Variants in RBFOX3 observed in about 807,000 individuals in gnomAD.
RBFOX3 encodes the protein RNA binding protein fox-1 homolog 3.
RBFOX3 carries 17 observed loss-of-function variants against 48.7 expected under a neutral mutation model. That is an observed-to-expected ratio of 0.35 (90% CI 0.24 to 0.52). The LOEUF (loss-of-function observed/expected upper bound fraction) is 0.52. Ranked by LOEUF, RBFOX3 falls within the 20% of genes least tolerant of loss-of-function variation. The pLI is 0.94. For synonymous variants in RBFOX3, 212 were observed against 209.5 expected, an observed-to-expected ratio of 1.01 and a Z score of -0.10; for missense variants, 382 against 497.5, an observed-to-expected ratio of 0.77 and a Z score of 2.21.
chr17:79,439,982 G>T (rs1555733778), intron 2 of RBFOX3, among the ~76,000 whole-genome samples: 1 of 152,220 alleles, frequency 6.6e-6, no homozygotes, highest in Non-Finnish European at 1.5e-5. Flanking sequence ...CGCAGGAATG[G>T]CATCAAGCGG....
intron 1 of RBFOX3, among the ~76,000 whole-genome samples, chr17:79,589,563 C>T (rs2093357163): frequency 6.6e-6 from 1 of 152,168 alleles, no homozygotes; most frequent in Non-Finnish European, 1.5e-5. Flanking sequence ...TGATTCAGCC[C>T]GAATGGGTAG....
intron 2 of RBFOX3, among the ~76,000 whole-genome samples, chr17:79,372,795 T>A (rs1389028047): frequency 1.3e-5 from 2 of 152,116 alleles, no homozygotes; most frequent in Non-Finnish European, 2.9e-5. Context: ...GGAACCAGCA[T>A]AGAGGTAGAG....
intron 3 of RBFOX3, among the ~76,000 whole-genome samples, chr17:79,286,265 C>T (rs1406352183): frequency 6.6e-6 from 1 of 152,124 alleles, no homozygotes; most frequent in Non-Finnish European, 1.5e-5. Context: ...GACTTTCTGC[C>T]CCTTAGAGAG....
At chr17:79,365,240 T>C (rs1263894621) in intron 2 of RBFOX3, among the ~76,000 whole-genome samples, 3 of 152,176 alleles carry the variant, frequency 2.0e-5, no homozygotes, top group African/African-American at 7.2e-5. Context: ...CTTGTTCCAG[T>C]TTCATCCTCC....
At chr17:79,635,858 T>C in the RBFOX3 span, among the ~76,000 whole-genome samples, 1 of 152,176 alleles carries the variant, frequency 6.6e-6, no homozygotes, top group Non-Finnish European at 1.5e-5. Flanking sequence ...ATTCAACTAA[T>C]AGCAAGTTAC....
chr17:79,284,736 C>T (rs541060050), intron 3 of RBFOX3, among the ~76,000 whole-genome samples: 1 of 152,196 alleles, frequency 6.6e-6, no homozygotes, highest in East Asian at 1.9e-4. Context: ...GACGAGATTT[C>T]ACTATGTTGT....
At chr17:79,164,920 G>A (rs1357652502) in intron 4 of RBFOX3, among the ~76,000 whole-genome samples, 3 of 152,200 alleles carry the variant, frequency 2.0e-5, no homozygotes, top group East Asian at 1.9e-4. Context: ...GGGACCCAGC[G>A]TTTCACTCAT....
chr17:79,280,841 T>TGGGGGG (rs34734841), intron 3 of RBFOX3, among the ~76,000 whole-genome samples: 67 of 99,962 alleles, frequency 6.7e-4, no homozygotes, highest in South Asian at 1.5e-3. Context: ...TGTCCCATTG[T>TGGGGGG]GGGGGGGGGG....
At chr17:79,577,286 G>A (rs1169406540) in intron 1 of RBFOX3, among the ~76,000 whole-genome samples, 1 of 152,194 alleles carries the variant, frequency 6.6e-6, no homozygotes, top group Admixed American at 6.5e-5. Flanking sequence ...GGAGAACCTG[G>A]TGGGGTGCAG....
At chr17:79,132,433 G>A (rs1247430504) in intron 4 of RBFOX3, among the ~76,000 whole-genome samples, 1 of 152,230 alleles carries the variant, frequency 6.6e-6, no homozygotes, top group Non-Finnish European at 1.5e-5. Context: ...AGCTCTGAGT[G>A]TGCACGTGTG....
chr17:79,330,435 AC>A (rs2080076631), intron 2 of RBFOX3, among the ~76,000 whole-genome samples: 1 of 141,566 alleles, frequency 7.1e-6, no homozygotes, highest in South Asian at 2.3e-4. Flanking sequence ...TCCACCGAGC[AC>A]AACGATGCCA....
chr17:79,106,915 T>C, intron 5 of RBFOX3, 127 bp from the exon 6 acceptor site: 2 of 1,251,132 alleles, frequency 1.6e-6, no homozygotes, highest in Non-Finnish European at 2.1e-6. Context: ...CCCCCATCCC[T>C]GGGCTGGGAT....
intron 1 of RBFOX3, among the ~76,000 whole-genome samples, chr17:79,497,517 G>A (rs2081725271): frequency 6.6e-6 from 1 of 152,238 alleles, no homozygotes; most frequent in Non-Finnish European, 1.5e-5. Flanking sequence ...ACCTGCCTCG[G>A]TGAGTTTCTA....
chr17:79,147,077 G>A (rs1485912847), intron 4 of RBFOX3, among the ~76,000 whole-genome samples: 1 of 152,220 alleles, frequency 6.6e-6, no homozygotes, highest in African/African-American at 2.4e-5. Flanking sequence ...TCAGCCCCCG[G>A]TGCCAGGTTC....
intron 2 of RBFOX3, among the ~76,000 whole-genome samples, chr17:79,376,110 C>T (rs527262938): frequency 2.6e-5 from 4 of 152,300 alleles, no homozygotes; most frequent in African/African-American, 9.6e-5. Context: ...CGACCCCCTC[C>T]CAGGCAGCAT....
chr17:79,427,223 T>G (rs1434555040), intron 2 of RBFOX3, among the ~76,000 whole-genome samples: 4 of 152,090 alleles, frequency 2.6e-5, no homozygotes, highest in Non-Finnish European at 4.4e-5. Flanking sequence ...TCCCAATCTG[T>G]CCGGGGAAGC....
At chr17:79,571,693 C>A (rs2092683503) in intron 1 of RBFOX3, among the ~76,000 whole-genome samples, 1 of 152,202 alleles carries the variant, frequency 6.6e-6, no homozygotes, top group Admixed American at 6.5e-5. Flanking sequence ...TGCATCGCAC[C>A]AAGCAAGGGT....
chr17:79,576,363 CTGGAGATCATGGAGATGATGGAGAAGA>C (rs1281348961), intron 1 of RBFOX3, among the ~76,000 whole-genome samples: 2 of 149,164 alleles, frequency 1.3e-5, no homozygotes, highest in African/African-American at 5.0e-5. Context: ...GATGGAGAAG[CTGGAGATCATGGAGATGATGGAGAAGA>C]TGGAGATCAT....
rs555865091 is a variant in RBFOX3 at position 79,229,274 on chromosome 17, G to C, written c.-34+6492C>G. Reference sequence around the variant, plus strand: ...AAAAAAAAAAAAAAAAAAAGGGACAGGGCTGGGCGTGGTGGCTCACATCTG... The same window carrying C: ...AAAAAAAAAAAAAAAAAAAGGGACACGGCTGGGCGTGGTGGCTCACATCTG... On this transcript the variant is annotated intron_variant, in intron 4 of 14. Transcript: ENST00000693108. Among the ~76,000 whole-genome samples, 71 of 144,714 alleles carry C rather than the reference G, an allele frequency of 4.9e-4. No individual in the cohort carries two copies. The South Asian group carries it at 0.014, about 29-fold the overall frequency. 94.9% of individuals were successfully genotyped at this position (144,714 alleles called of 152,430 possible). A position where few individuals can be genotyped will look rare whatever the true frequency, so the allele number is the denominator to read the frequency against.
Sources: allele counts gnomAD v4.1 joint callset (sites outside exome capture counted in the v4.1 genomes callset), GRCh38; gene constraint gnomAD v4.1.1; transcripts MANE v1.5; gene names NCBI Gene and HGNC (gene_info 2026-07-23, HGNC 2026-07-21).